Variants in SCNN1B observed in about 807,000 individuals in gnomAD.
The protein encoded by SCNN1B is sodium channel epithelial 1 subunit beta.
In SCNN1B, 46 loss-of-function variants were observed where a neutral mutation model predicts 65.3. The ratio of observed to expected loss-of-function variants is 0.70; its 90% CI spans 0.56 to 0.90. The LOEUF (loss-of-function observed/expected upper bound fraction) is 0.90, where lower values mean the gene tolerates loss of function less well. Among genes scored for constraint, SCNN1B ranks in the 40% least tolerant of loss-of-function variants. SCNN1B has a pLI of 0.00. For synonymous variants in SCNN1B, 349 were observed against 330.6 expected, an observed-to-expected ratio of 1.06 and a Z score of -0.60; for missense variants, 751 against 830.5, an observed-to-expected ratio of 0.90 and a Z score of 1.18.
chr16:23,320,163 G>A (rs535567329), intron 1 of SCNN1B, among the ~76,000 whole-genome samples: 2 of 152,344 alleles, frequency 1.3e-5, no homozygotes, highest in South Asian at 2.1e-4. Context: ...GATGATGCCA[G>A]TGCTGCTGGT....
chr16:23,336,969 TAGC>T (rs1181135387), intron 1 of SCNN1B, among the ~76,000 whole-genome samples: 1 of 152,170 alleles, frequency 6.6e-6, no homozygotes, highest in Non-Finnish European at 1.5e-5. Context: ...AGCATTGAAT[TAGC>T]AGGTAGTTAG....
At chr16:23,346,583 A>G (rs1022951598) in intron 1 of SCNN1B, among the ~76,000 whole-genome samples, 3 of 151,954 alleles carry the variant, frequency 2.0e-5, no homozygotes, top group Non-Finnish European at 4.4e-5. Context: ...CAAAGGTTCC[A>G]GTTCTCTTGG....
In SCNN1B at chr16:23,352,797, C is replaced by G. The variant is rs1230123340; in HGVS notation, c.312-4C>G. 6.2e-7 allele frequency: 1 copy of G among 1,614,144 alleles called. No individual in the cohort carries two copies. Among genetic ancestry groups the G allele is most frequent in the Non-Finnish European group, 8.5e-7 (1 of 1,180,018 alleles). On this transcript the variant is annotated splice_region_variant and splice_polypyrimidine_tract_variant and intron_variant, in intron 2 of 12. Coordinates refer to ENST00000343070, the MANE Select transcript of SCNN1B (RefSeq NM_000336.3). Reference sequence around the variant, plus strand: ...TCCCCCTAACCAGCCCTCTCCCCATCCAGGTATTCCAAAATCAAGCATTTG... The same window carrying G: ...TCCCCCTAACCAGCCCTCTCCCCATGCAGGTATTCCAAAATCAAGCATTTG...
chr16:23,361,384 G>C (rs1483310940), intron 4 of SCNN1B, among the ~76,000 whole-genome samples: 2 of 152,188 alleles, frequency 1.3e-5, no homozygotes, highest in African/African-American at 4.8e-5. Context: ...CTTTGGAAAG[G>C]AGTCACTAAA....
chr16:23,304,074 T>G, intron 1 of SCNN1B: 2 of 1,536,044 alleles, frequency 1.3e-6, no homozygotes, highest in Non-Finnish European at 1.7e-6. Context: ...TGCCTACCGA[T>G]GGGAATTTAG....
intron 2 of SCNN1B, among the ~76,000 whole-genome samples, chr16:23,293,401 A>G (rs1312894085): frequency 6.6e-6 from 1 of 152,222 alleles, no homozygotes; most frequent in Non-Finnish European, 1.5e-5. Context: ...TGCAAAGTGC[A>G]ATCAGCCATA....
intron 3 of SCNN1B, among the ~76,000 whole-genome samples, chr16:23,354,967 C>T (rs902164694): frequency 1.3e-5 from 2 of 152,142 alleles, no homozygotes; most frequent in Admixed American, 1.3e-4. Context: ...AGGGGACCAG[C>T]CTCTGTGCAT....
chr16:23,365,949 T>C (rs1275616938), intron 4 of SCNN1B, among the ~76,000 whole-genome samples: 1 of 152,228 alleles, frequency 6.6e-6, no homozygotes, highest in African/African-American at 2.4e-5. Flanking sequence ...AGACAAAAGA[T>C]ACAGGAAATG....
At chr16:23,378,915 A>G (rs1962971505) in intron 11 of SCNN1B, 148 bp downstream of exon 11, 1 of 732,076 alleles carries the variant, frequency 1.4e-6, no homozygotes, top group Admixed American at 2.2e-5. Context: ...ACTAGGAGTG[A>G]GAGAGAGGAA....
chr16:23,316,231 G>C (rs1402182488), intron 1 of SCNN1B, among the ~76,000 whole-genome samples: 145 of 59,694 alleles, frequency 2.4e-3, no homozygotes, highest in Middle Eastern at 0.014. Context: ...CCACCATCAG[G>C]ATCACCATCA....
At chr16:23,367,710 G>C in intron 4 of SCNN1B, 146 bp from the exon 5 acceptor site, 1 of 736,930 alleles carries the variant, frequency 1.4e-6, no homozygotes, top group South Asian at 1.4e-5. Context: ...CCTCTGGTTT[G>C]GACCAGAGGA....
intron 4 of SCNN1B, among the ~76,000 whole-genome samples, chr16:23,359,925 G>A (rs193062005): frequency 1.1e-4 from 17 of 152,312 alleles, no homozygotes; most frequent in East Asian, 7.7e-4. Context: ...CTTTTGGGCC[G>A]GGCATGGTGG....
chr16:23,325,870 T>C (rs570702521), intron 1 of SCNN1B, among the ~76,000 whole-genome samples: 69 of 149,516 alleles, frequency 4.6e-4, no homozygotes, highest in Non-Finnish European at 7.8e-4. Context: ...CTGGGCAACA[T>C]AGTGAGACCC....
intron 10 of SCNN1B, among the ~76,000 whole-genome samples, chr16:23,377,738 TTC>T (rs763964510): frequency 5.5e-4 from 73 of 133,312 alleles, no homozygotes; most frequent in Non-Finnish European, 1.0e-3. Flanking sequence ...CCCTCCCCAC[TTC>T]TGTTTCCTTC....
intron 5 of SCNN1B, among the ~76,000 whole-genome samples, chr16:23,370,450 G>T (rs546138269): frequency 6.6e-6 from 1 of 152,292 alleles, no homozygotes; most frequent in East Asian, 1.9e-4. Flanking sequence ...CACCCCGCAG[G>T]TAGCAAGTGC....
rs974199359 is a variant in SCNN1B, at chr16:23,377,234, C to G, written c.1340C>G (p.Ser447Cys). ...ACCTGCATTGGCATGTGCAAGGAGT[C>G]CTGCAAGTGAGTGCGGGTGGGCGGG... ...RETCIGMCKESCNDTQYKMTI... is the reference protein window; with the variant it reads ...RETCIGMCKECCNDTQYKMTI... The change falls in exon 9 of 13, where the codon TCC becomes TGC. Residue 447 changes from serine to cysteine, a missense_variant. Transcript: ENST00000343070. 3.1e-6 allele frequency: 5 copies of G among 1,614,234 alleles called. No homozygotes were observed. The highest frequency in any genetic ancestry group is 2.2e-5 in the East Asian group (1 of 44,882).
At chr16:23,367,803 G>A in intron 4 of SCNN1B, 53 bp from the exon 5 acceptor site, 1 of 1,347,674 alleles carries the variant, frequency 7.4e-7, no homozygotes, top group African/African-American at 1.4e-5. Flanking sequence ...GACAGTCGGG[G>A]GAGGCATTGC....
At chr16:23,317,501 A>G (rs1024180521) in intron 1 of SCNN1B, among the ~76,000 whole-genome samples, 4 of 151,956 alleles carry the variant, frequency 2.6e-5, no homozygotes, top group Non-Finnish European at 4.4e-5. Flanking sequence ...GAGGGATGGG[A>G]GGGGAGCTTT....
At chr16:23,316,494 C>A (rs1383983724) in intron 1 of SCNN1B, among the ~76,000 whole-genome samples, 1 of 148,550 alleles carries the variant, frequency 6.7e-6, no homozygotes, top group African/African-American at 2.5e-5. Flanking sequence ...TCCATCATCA[C>A]CATCACCATC....
Sources: gnomAD v4.1 joint callset for allele counts (sites outside exome capture counted in the v4.1 genomes callset) on GRCh38, gnomAD v4.1.1 for gene constraint, MANE v1.5 for transcripts, NCBI Gene and HGNC (gene_info 2026-07-23, HGNC 2026-07-21) for gene names.